The following GRIK4 variants were observed in gnomAD, a reference collection of about 807,000 sequenced individuals.
The protein encoded by GRIK4 is glutamate receptor ionotropic, kainate 4.
A neutral mutation model predicts 104.9 loss-of-function variants in GRIK4; 40 were observed. The ratio of observed to expected loss-of-function variants is 0.38; its 90% CI spans 0.30 to 0.50. The LOEUF is 0.50. GRIK4 is among the 20% of genes least tolerant of loss of function. The pLI is 0.93. For missense variants in GRIK4, 1,047 were observed against 1,308.1 expected (o/e 0.80, Z 3.08); for synonymous variants, 485 against 524.9 (o/e 0.92, Z 1.04).
Position 120,836,828 on chromosome 11 carries a change from A to G in GRIK4, c.728A>G (p.Tyr243Cys). 1 of 1,595,758 alleles carries G rather than the reference A, an allele frequency of 6.3e-7. No homozygotes were observed. The highest frequency in any genetic ancestry group is 8.6e-7 in the Non-Finnish European group (1 of 1,163,170). ...ELGMVSAYYT[Y>C]IFTNLEFSLQ... The stretch of plus-strand genomic sequence containing the variant: ...GGGATGGTGTCAGCCTATTACACAT[A>G]CATCTTCACTAATCTGGTAAGATGT... The change falls in exon 8 of 21, where the codon TAC (tyrosine) becomes TGC (cysteine). Residue 243 changes from tyrosine (Y) to cysteine (C), a missense_variant. Tyr to Cys is a radical substitution (Grantham distance 194). Around this residue, in one of 3 missense-constraint regions of GRIK4, gnomAD observed 447 missense variants for 514.9 expected, o/e 0.87. Transcript: ENST00000527524.
At chr11:120,919,966 G>A (rs1943192375) in intron 13 of GRIK4, among the ~76,000 whole-genome samples, 2 of 152,104 alleles carry the variant, frequency 1.3e-5, no homozygotes, top group South Asian at 4.2e-4. Flanking sequence ...TAGGTAGGGG[G>A]AGTGAGGAAG....
At chr11:120,687,349 C>T (rs1337647950) in intron 3 of GRIK4, among the ~76,000 whole-genome samples, 2 of 152,182 alleles carry the variant, frequency 1.3e-5, no homozygotes, top group Non-Finnish European at 2.9e-5. Context: ...TAAGATGTTT[C>T]TTAATCACTT....
rs543339154 is a variant in GRIK4, at chr11:120,789,489, C to G, written c.83-13204C>G. Among the ~76,000 whole-genome samples the G allele has an allele frequency of 6.7e-4, 102 of 152,202 alleles. No homozygotes were observed. In the Middle Eastern group the frequency reaches 0.01, roughly 15 times the overall value. On this transcript the variant is annotated intron_variant, in intron 3 of 20. Transcript: ENST00000527524. ...GCCCCTCACTACCTGTCTCATTTCT[C>G]TTTCCTGGACTATTAAAATAACCCT...
chr11:120,703,549 T>G (rs553461567), intron 3 of GRIK4, among the ~76,000 whole-genome samples: 4 of 151,640 alleles, frequency 2.6e-5, no homozygotes, highest in Non-Finnish European at 4.4e-5. Flanking sequence ...CTTACAGGAG[T>G]AAGGGTGAGG....
At chr11:120,602,505 G>A (rs1948900713) in intron 1 of GRIK4, among the ~76,000 whole-genome samples, 1 of 152,106 alleles carries the variant, frequency 6.6e-6, no homozygotes, top group Non-Finnish European at 1.5e-5. Flanking sequence ...CAATCCTTTT[G>A]GACAGGCATT....
intron 19 of GRIK4, among the ~76,000 whole-genome samples, chr11:120,969,161 A>G (rs1216921570): frequency 6.6e-6 from 1 of 152,238 alleles, no homozygotes; most frequent in Admixed American, 6.5e-5. Flanking sequence ...TGGAAACAAA[A>G]TTCACTTACT....
chr11:120,622,876 T>A (rs1591747201), intron 1 of GRIK4, among the ~76,000 whole-genome samples: 1 of 152,184 alleles, frequency 6.6e-6, no homozygotes. Flanking sequence ...ATACATGTGG[T>A]TTACTTAGGG....
At chr11:120,885,093 C>T (rs1955079943) in intron 11 of GRIK4, among the ~76,000 whole-genome samples, 1 of 152,272 alleles carries the variant, frequency 6.6e-6, no homozygotes, top group African/African-American at 2.4e-5. Context: ...CAAATGAAGC[C>T]AGGCATGGCC....
At chr11:120,876,622 C>A in intron 11 of GRIK4, among the ~76,000 whole-genome samples, 1 of 151,822 alleles carries the variant, frequency 6.6e-6, no homozygotes, top group East Asian at 2.0e-4. Flanking sequence ...TTTTATTAGT[C>A]CCAATTTTAT....
At chr11:120,980,804 C>G (rs144340285) in intron 19 of GRIK4, among the ~76,000 whole-genome samples, 125 of 152,216 alleles carry the variant, frequency 8.2e-4, no homozygotes, top group African/African-American at 3.0e-3. Context: ...TCGTTCCAAG[C>G]AGATTTTCAG....
At chr11:120,806,585 T>A (rs1479483713) in intron 4 of GRIK4, among the ~76,000 whole-genome samples, 1 of 152,188 alleles carries the variant, frequency 6.6e-6, no homozygotes, top group Non-Finnish European at 1.5e-5. Context: ...AGTGATGATA[T>A]CTTTGACTGT....
rs372547715 is a variant in GRIK4 at position 120,650,088 on chromosome 11, G to A, written c.-158-3597G>A. Among the ~76,000 whole-genome samples the A allele has an allele frequency of 3.0e-4, 45 of 152,232 alleles. No homozygotes were observed. The East Asian group carries it at 7.0e-3, about 24-fold the overall frequency. On this transcript the variant is annotated intron_variant, in intron 1 of 20. Coordinates refer to ENST00000527524, the MANE Select transcript of GRIK4 (RefSeq NM_014619.5). ...CCATCCCACAGGTGGAAGCTCTGTG[G>A]GCCTCATCTTCCACCTCCCGTGGCT...
chr11:120,652,246 T>G (rs1235447696), intron 1 of GRIK4, among the ~76,000 whole-genome samples: 2 of 152,244 alleles, frequency 1.3e-5, no homozygotes, highest in Non-Finnish European at 1.5e-5. Context: ...TTCCCAGAGC[T>G]TCTAAGAACC....
intron 1 of GRIK4, among the ~76,000 whole-genome samples, chr11:120,635,523 G>A (rs960935103): frequency 2.0e-5 from 3 of 152,198 alleles, no homozygotes; most frequent in African/African-American, 7.2e-5. Context: ...GAGTTAAAGC[G>A]ATTCTGCTTT....
chr11:120,645,951 G>A (rs1057220892), intron 1 of GRIK4, among the ~76,000 whole-genome samples: 12 of 152,162 alleles, frequency 7.9e-5, no homozygotes, highest in Admixed American at 4.6e-4. Context: ...CACCATTAAC[G>A]CTGGGTTAGC....
chr11:120,928,948 G>A (rs1218378217), intron 13 of GRIK4, among the ~76,000 whole-genome samples: 1 of 148,562 alleles, frequency 6.7e-6, no homozygotes, highest in Non-Finnish European at 1.5e-5. Context: ...GGCTCGCACT[G>A]GTTAGCAAAG....
intron 1 of GRIK4, among the ~76,000 whole-genome samples, chr11:120,620,546 G>T (rs1157992302): frequency 6.6e-6 from 1 of 152,058 alleles, no homozygotes; most frequent in Non-Finnish European, 1.5e-5. Flanking sequence ...TGTTGTTCAG[G>T]CTGGTCTCAA....
chr11:120,874,991 A>C (rs1311732324), intron 10 of GRIK4, 148 bp from the exon 11 acceptor site: 3 of 629,564 alleles, frequency 4.8e-6, no homozygotes, highest in Non-Finnish European at 8.6e-6. Flanking sequence ...TCATCTCAAG[A>C]TGCCTTGGCT....
At chr11:120,663,048 C>A (rs1949846087) in intron 3 of GRIK4, among the ~76,000 whole-genome samples, 1 of 152,200 alleles carries the variant, frequency 6.6e-6, no homozygotes, top group African/African-American at 2.4e-5. Flanking sequence ...GTGAGGCTGG[C>A]TGCATAAATT....
Sources: gnomAD v4.1 joint callset for allele counts (sites outside exome capture counted in the v4.1 genomes callset) on GRCh38, gnomAD v4.1.1 for gene constraint, gnomAD v4.1.1 regional missense constraint, MANE v1.5 for transcripts, NCBI Gene and HGNC (gene_info 2026-07-23, HGNC 2026-07-21) for gene names.